The following CEP170 variants were observed in gnomAD, a reference collection of about 807,000 sequenced individuals.
The protein encoded by CEP170 is centrosomal protein of 170 kDa.
Under a neutral mutation model 151.9 loss-of-function variants are expected in CEP170, and 21 were observed. That is an observed-to-expected ratio of 0.14 (90% CI 0.10 to 0.20). The LOEUF is 0.20. CEP170 is among the 10% of genes least tolerant of loss of function. The pLI is 1.00. For synonymous variants in CEP170, 356 were observed against 648.8 expected, an observed-to-expected ratio of 0.55 and a Z score of 6.86; for missense variants, 964 against 1,892.9, an observed-to-expected ratio of 0.51 and a Z score of 9.11.
rs373711088 is a variant in CEP170 at position 243,124,912 on chromosome 1, A to T, written c.*1537T>A. 3 of 152,016 alleles carry T rather than the reference A, an allele frequency of 2.0e-5. No individual in the cohort carries two copies. The highest frequency in any genetic ancestry group is 1.9e-4 in the East Asian group (1 of 5,180). The allele number at this position is 152,016 out of a possible 1,614,324, so 9.4% of individuals were successfully genotyped here. On this transcript the variant is annotated 3_prime_UTR_variant, in exon 20 of 20. Coordinates refer to ENST00000366542, the MANE Select transcript of CEP170 (RefSeq NM_014812.3). ...TTTTGTATTTAAAGAAAAATAGGAG[A>T]TCCATTATAGTTTTGTTTTTACATC...
intron 18 of CEP170, chr1:243,128,983 G>A (rs1366187917): frequency 6.5e-6 from 1 of 154,708 alleles, no homozygotes; most frequent in Non-Finnish European, 1.4e-5. Flanking sequence ...TATATTCTGA[G>A]CAATGAAAAT....
intron 1 of CEP170, among the ~76,000 whole-genome samples, chr1:243,248,990 T>C (rs1366449272): frequency 6.6e-6 from 1 of 152,148 alleles, no homozygotes; most frequent in Non-Finnish European, 1.5e-5. Context: ...TAATGCAAGT[T>C]CTCTGCTAAA....
At chr1:243,205,869 A>C (rs1331992693) in intron 4 of CEP170, among the ~76,000 whole-genome samples, 1 of 152,034 alleles carries the variant, frequency 6.6e-6, no homozygotes, top group African/African-American at 2.4e-5. Flanking sequence ...GAAACTATAA[A>C]GCCACAGGAT....
In CEP170 at chr1:243,185,721, C is replaced by T; in HGVS notation, c.1566+58G>A. On this transcript the variant is annotated intron_variant, in intron 10 of 19. Transcript: ENST00000366542. This position sits in a 1 kb window ranked among gnomAD's most constrained non-coding sequence, Gnocchi z 4.9. ...TCTCATGCTGACTCTCCAATAATTT[C>T]CACCAGTCAAATACACCACACAACA... 6.6e-7 allele frequency: 1 copy of T among 1,507,590 alleles called. No homozygotes were observed. Among genetic ancestry groups the T allele is most frequent in the African/African-American group, 1.4e-5 (1 of 71,516 alleles). The allele number at this position is 1,507,590 out of a possible 1,614,324, so 93.4% of individuals were successfully genotyped here.
intron 10 of CEP170, among the ~76,000 whole-genome samples, chr1:243,179,458 A>G (rs1460039077): frequency 6.6e-6 from 1 of 152,200 alleles, no homozygotes; most frequent in African/African-American, 2.4e-5. Context: ...TTCTTCTGAG[A>G]CTATCTATCT....
chr1:243,143,377 G>C (rs2056108900), intron 14 of CEP170, among the ~76,000 whole-genome samples: 1 of 151,974 alleles, frequency 6.6e-6, no homozygotes, highest in African/African-American at 2.4e-5. Flanking sequence ...AGCTAAGGCA[G>C]GACTGGATCC....
At chr1:243,135,457 C>T (rs1462013566) in intron 17 of CEP170, among the ~76,000 whole-genome samples, 4 of 152,104 alleles carry the variant, frequency 2.6e-5, no homozygotes, top group Admixed American at 1.3e-4. Context: ...CCGCCTGCCT[C>T]GGCCTCCCAA....
chr1:243,161,303 C>CA (rs200842010), intron 13 of CEP170, among the ~76,000 whole-genome samples: 25,942 of 108,266 alleles, frequency 0.24, 2,571 homozygotes, highest in African/African-American at 0.31. Context: ...GAGTCCGTCT[C>CA]AAAAAAAAAA....
chr1:243,252,305 T>C (rs1233050321), intron 1 of CEP170, among the ~76,000 whole-genome samples: 1 of 152,188 alleles, frequency 6.6e-6, no homozygotes, highest in Non-Finnish European at 1.5e-5. Flanking sequence ...AACATCCCAG[T>C]GTTTGGGACA....
At chr1:243,147,470 AG>A (rs2056635467) in intron 14 of CEP170, among the ~76,000 whole-genome samples, 1 of 152,236 alleles carries the variant, frequency 6.6e-6, no homozygotes, top group Non-Finnish European at 1.5e-5. Flanking sequence ...CACTGTAAAC[AG>A]CTCAAGCAGA....
At chr1:243,200,939 C>T in intron 4 of CEP170, 104 bp from the exon 5 acceptor site, 1 of 1,257,332 alleles carries the variant, frequency 8.0e-7, no homozygotes. Context: ...CAGGTAACTA[C>T]AGCAGAATTA....
chr1:243,227,573 C>A (rs2063402787), intron 1 of CEP170, among the ~76,000 whole-genome samples: 1 of 152,150 alleles, frequency 6.6e-6, no homozygotes, highest in African/African-American at 2.4e-5. Flanking sequence ...TTTACCATTT[C>A]ATCGAGAACA....
At chr1:243,183,238 T>A (rs898562045) in intron 10 of CEP170, among the ~76,000 whole-genome samples, 2 of 152,102 alleles carry the variant, frequency 1.3e-5, no homozygotes, top group Non-Finnish European at 2.9e-5. Context: ...AATAAATGAA[T>A]CAATGAAATA....
intron 1 of CEP170, 37 bp downstream of exon 1, chr1:243,255,003 G>A (rs1048084790): frequency 1.3e-5 from 2 of 152,256 alleles, no homozygotes; most frequent in African/African-American, 4.8e-5. Context: ...GGCTGCGGCT[G>A]CGGCGCCTAC....
At chr1:243,167,923 T>G (rs1014160289) in intron 12 of CEP170, among the ~76,000 whole-genome samples, 1 of 152,008 alleles carries the variant, frequency 6.6e-6, no homozygotes, top group Admixed American at 6.5e-5. Flanking sequence ...AAACGTTTTA[T>G]TATTTAAGTA....
intron 10 of CEP170, among the ~76,000 whole-genome samples, chr1:243,177,053 C>T (rs916778166): frequency 2.6e-5 from 4 of 152,118 alleles, no homozygotes; most frequent in Non-Finnish European, 4.4e-5. Context: ...GTGTCCAATT[C>T]TGAAATCAGA....
intron 10 of CEP170, among the ~76,000 whole-genome samples, chr1:243,176,283 C>T (rs1296647306): frequency 6.6e-6 from 1 of 151,982 alleles, no homozygotes; most frequent in Non-Finnish European, 1.5e-5. Flanking sequence ...GCTTGCACCC[C>T]AAGTTTGCCA....
In CEP170 at chr1:243,164,471, A is replaced by G; in HGVS notation, c.3489T>C (p.Ala1163=). The change falls in exon 13 of 20, where the codon GCT becomes GCC. Residue 1163 remains alanine (A), a synonymous_variant. Transcript: ENST00000366542. ...PRRTRLGSLS[A]RSDSEATISR... is the part of the protein sequence containing the mutation. The stretch of plus-strand genomic sequence containing the variant: ...AAATTGTTGCTTCAGAGTCACTACG[A>G]GCTGACAGTGAGCCAAGTCGTGTTC... 1.2e-6 allele frequency: 2 copies of G among 1,603,508 alleles called. No individual in the cohort carries two copies.
At chr1:243,147,916 C>T (rs1572240951) in intron 14 of CEP170, among the ~76,000 whole-genome samples, 1 of 152,362 alleles carries the variant, frequency 6.6e-6, no homozygotes, top group East Asian at 1.9e-4. Flanking sequence ...CACAGTGGCT[C>T]ACGCCTGTAA....
Sources: gnomAD v4.1 joint callset for allele counts (sites outside exome capture counted in the v4.1 genomes callset) on GRCh38, gnomAD v4.1.1 for gene constraint, Gnocchi (gnomAD v3.1) non-coding constraint, MANE v1.5 for transcripts, NCBI Gene and HGNC (gene_info 2026-07-23, HGNC 2026-07-21) for gene names.